The following FRMD4A variants were observed in gnomAD, a reference collection of about 807,000 sequenced individuals.
FRMD4A encodes FERM domain containing 4A.
FRMD4A carries 29 observed loss-of-function variants against 129.1 expected under a neutral mutation model. The ratio of observed to expected loss-of-function variants is 0.22; its 90% confidence interval spans 0.17 to 0.31. FRMD4A has a LOEUF of 0.31. Ranked by LOEUF, FRMD4A falls within the 10% of genes least tolerant of loss-of-function variation. FRMD4A has a pLI of 1.00. For synonymous variants in FRMD4A, 634 were observed against 571.6 expected, an observed-to-expected ratio of 1.11 and a Z score of -1.56; for missense variants, 1,272 against 1,375.8, an observed-to-expected ratio of 0.92 and a Z score of 1.19.
intron 3 of FRMD4A, among the ~76,000 whole-genome samples, chr10:13,831,357 A>G (rs565614048): frequency 1.4e-3 from 220 of 152,268 alleles, no homozygotes; most frequent in African/African-American, 5.2e-3. Context: ...TTGAGGCAGG[A>G]GGATTGCTTG....
intron 4 of FRMD4A, among the ~76,000 whole-genome samples, chr10:13,802,629 A>T (rs2093278420): frequency 6.6e-6 from 1 of 151,744 alleles, no homozygotes; most frequent in Non-Finnish European, 1.5e-5. Context: ...TTAAAAAAAA[A>T]GGTTTTTTTT....
chr10:14,245,212 G>T (rs1844189461), intron 2 of FRMD4A, among the ~76,000 whole-genome samples: 2 of 152,198 alleles, frequency 1.3e-5, no homozygotes, highest in Admixed American at 6.5e-5. Flanking sequence ...GGGATCAGTG[G>T]CAGTGGAGGA....
At chr10:13,948,969 T>G (rs1280899750) in intron 2 of FRMD4A, among the ~76,000 whole-genome samples, 1 of 152,110 alleles carries the variant, frequency 6.6e-6, no homozygotes, top group Non-Finnish European at 1.5e-5. Flanking sequence ...TTTAATAAGT[T>G]AAAATGCAAA....
chr10:14,251,852 G>T (rs931924796), intron 2 of FRMD4A, among the ~76,000 whole-genome samples: 1 of 151,856 alleles, frequency 6.6e-6, no homozygotes, highest in African/African-American at 2.4e-5. Flanking sequence ...TAGGTTTATG[G>T]GAGGAAGATC....
chr10:13,964,549 G>A (rs1297131543), intron 2 of FRMD4A, among the ~76,000 whole-genome samples: 1 of 152,106 alleles, frequency 6.6e-6, no homozygotes, highest in Non-Finnish European at 1.5e-5. Context: ...TAAACTTCAG[G>A]GTTCCTCACT....
intron 22 of FRMD4A, 153 bp from the exon 23 acceptor site, chr10:13,654,665 C>T (rs923438541): frequency 1.6e-5 from 10 of 608,844 alleles, no homozygotes; most frequent in African/African-American, 1.3e-4. Flanking sequence ...TCTCAGCATC[C>T]CTATGGCATG....
At chr10:13,817,969 T>C (rs1428817145) in intron 3 of FRMD4A, among the ~76,000 whole-genome samples, 3 of 152,172 alleles carry the variant, frequency 2.0e-5, no homozygotes, top group African/African-American at 7.2e-5. Flanking sequence ...ACATACAGTA[T>C]CAAGCTCTAA....
At chr10:13,963,680 C>A (rs2095462718) in intron 2 of FRMD4A, among the ~76,000 whole-genome samples, 1 of 152,156 alleles carries the variant, frequency 6.6e-6, no homozygotes, top group Non-Finnish European at 1.5e-5. Context: ...GTTTCAAAAG[C>A]ATATTTTCTA....
chr10:13,881,785 T>G (rs1302632768), intron 2 of FRMD4A, among the ~76,000 whole-genome samples: 1 of 151,690 alleles, frequency 6.6e-6, no homozygotes, highest in African/African-American at 2.4e-5. Context: ...GCGACTGCCT[T>G]CCAGCACGCA....
intron 2 of FRMD4A, among the ~76,000 whole-genome samples, chr10:14,015,141 C>T (rs982916451): frequency 1.6e-5 from 2 of 126,898 alleles, no homozygotes; most frequent in African/African-American, 6.0e-5. Flanking sequence ...TTTCTCCTTC[C>T]TTCCTTCCTT....
At chr10:13,965,877 A>C (rs1471667684) in intron 2 of FRMD4A, among the ~76,000 whole-genome samples, 3 of 152,268 alleles carry the variant, frequency 2.0e-5, no homozygotes, top group Non-Finnish European at 4.4e-5. Context: ...ATAGGTAGGA[A>C]GAAGAGGATA....
At chr10:14,280,186 C>T (rs935322512) in intron 2 of FRMD4A, among the ~76,000 whole-genome samples, 29 of 152,142 alleles carry the variant, frequency 1.9e-4, no homozygotes, top group African/African-American at 5.8e-4. Flanking sequence ...TGGAGCAAAG[C>T]GGATGGGGGC....
chr10:13,958,874 C>T (rs571383294), intron 2 of FRMD4A, among the ~76,000 whole-genome samples: 4 of 152,178 alleles, frequency 2.6e-5, no homozygotes, highest in Admixed American at 6.5e-5. Flanking sequence ...CACGAGCCAC[C>T]GTGCCCAGGC....
intron 2 of FRMD4A, among the ~76,000 whole-genome samples, chr10:14,283,929 G>T (rs1224524584): frequency 6.6e-6 from 1 of 152,170 alleles, no homozygotes; most frequent in Admixed American, 6.5e-5. Flanking sequence ...TGAGGAGTGT[G>T]CCAATATTAC....
At chr10:14,109,960 G>C (rs1258967677) in intron 2 of FRMD4A, among the ~76,000 whole-genome samples, 11 of 146,726 alleles carry the variant, frequency 7.5e-5, no homozygotes, top group Admixed American at 4.8e-4. Context: ...CACACAGCAA[G>C]ACTCCGTCTC....
intron 12 of FRMD4A, among the ~76,000 whole-genome samples, chr10:13,719,884 G>A (rs1275934265): frequency 6.6e-6 from 1 of 152,158 alleles, no homozygotes; most frequent in Non-Finnish European, 1.5e-5. Flanking sequence ...TTCTTTTGGT[G>A]CTATGGACAA....
At chr10:14,071,521 C>G (rs1057179372) in intron 2 of FRMD4A, among the ~76,000 whole-genome samples, 3 of 151,736 alleles carry the variant, frequency 2.0e-5, no homozygotes, top group Non-Finnish European at 4.4e-5. Flanking sequence ...TTCCATCATC[C>G]GAAAACATTT....
intron 2 of FRMD4A, among the ~76,000 whole-genome samples, chr10:14,014,158 G>A (rs957596697): frequency 1.3e-5 from 2 of 152,168 alleles, no homozygotes; most frequent in Admixed American, 6.5e-5. Context: ...CCTGCCCCCA[G>A]CTGGGGGATG....
chr10:14,146,455 G>A (rs1441025270), intron 2 of FRMD4A, among the ~76,000 whole-genome samples: 2 of 152,098 alleles, frequency 1.3e-5, no homozygotes, highest in African/African-American at 4.8e-5. Flanking sequence ...GCACTACACA[G>A]CAAAATAATA....
Sources: gnomAD v4.1 joint callset for allele counts (sites outside exome capture counted in the v4.1 genomes callset) on GRCh38, gnomAD v4.1.1 for gene constraint, MANE v1.5 for transcripts, NCBI Gene and HGNC (gene_info 2026-07-23, HGNC 2026-07-21) for gene names.